Variants in PRAMEF4 observed in about 807,000 individuals in gnomAD.
PRAMEF4 encodes the protein PRAME family member 4, also known as RP5-845O24.6.
PRAMEF4 carries 18 observed loss-of-function variants against 34.4 expected under a neutral mutation model. The observed-to-expected ratio is 0.52, with a 90% CI of 0.36 to 0.78. PRAMEF4 has a LOEUF of 0.78. Ranked by LOEUF, PRAMEF4 falls within the 30% of genes least tolerant of loss-of-function variation. PRAMEF4 has a pLI of 0.00. For missense variants in PRAMEF4, 482 were observed against 569.1 expected, an observed-to-expected ratio of 0.85 and a Z score of 1.56; for synonymous variants, 156 against 219.3, an observed-to-expected ratio of 0.71 and a Z score of 2.55.
Position 12,885,470 on chromosome 1 carries a change from C to G in PRAMEF4, c.-17+677G>C, listed in dbSNP as rs1569889651. ...AATCTTCTGGGCTCAAGTGATTCTC[C>G]CACACCAGCCACCCAAATAGCTGGG... On this transcript the variant is annotated intron_variant, in intron 1 of 3. Transcript: ENST00000235349. Among the ~76,000 whole-genome samples the G allele has an allele frequency of 1.3e-5, 2 of 149,242 alleles. 1 individual carries two copies. The highest frequency in any genetic ancestry group is 3.0e-5 in the Non-Finnish European group (2 of 67,556).
At chr1:12,881,269 G>T (rs575971370) in intron 3 of PRAMEF4, among the ~76,000 whole-genome samples, 1 of 148,536 alleles carries the variant, frequency 6.7e-6, no homozygotes, top group Non-Finnish European at 1.5e-5. Flanking sequence ...AGGAGGCTGA[G>T]GCAGGAGAAT....
rs1640928901 is a variant in PRAMEF4, at chr1:12,883,266, C to T, written c.129G>A (p.Met43Ile). ...LPTELFPPLF[M>I]EAFSRRRCEA... ...CACAGCGTCTCCTGCTGAAGGCCTC[C>T]ATGAACAGTGGGGGGAAAAGTTCTG... Residue 43 changes from methionine to isoleucine, a missense_variant, in exon 2 of 4, where the codon ATG becomes ATA. Coordinates refer to ENST00000235349, the MANE Select transcript of PRAMEF4 (RefSeq NM_001009611.4). 4 of 1,598,254 alleles carry T rather than the reference C, an allele frequency of 2.5e-6. No homozygotes were observed. The highest frequency in any genetic ancestry group is 1.4e-5 in the African/African-American group (1 of 72,544).
At chr1:12,881,139 G>T (rs1273505301) in intron 3 of PRAMEF4, among the ~76,000 whole-genome samples, 1 of 148,138 alleles carries the variant, frequency 6.8e-6, no homozygotes, top group Non-Finnish European at 1.5e-5. Flanking sequence ...TCCATGGTGG[G>T]TGGATCACCT....
intron 1 of PRAMEF4, among the ~76,000 whole-genome samples, chr1:12,885,454 G>T (rs3125064): frequency 1.1e-4 from 17 of 149,516 alleles, no homozygotes; most frequent in South Asian, 4.2e-4. Context: ...CAATCTTCTG[G>T]GCTCAAGTGA....
chr1:12,881,092 G>A (rs199816979), intron 3 of PRAMEF4, among the ~76,000 whole-genome samples: 1,531 of 141,126 alleles, frequency 0.011, 6 homozygotes, highest in East Asian at 0.05. Context: ...TTGGCTGGGC[G>A]TGGTAGCTCT....
chr1:12,881,616 GAC>G, intron 3 of PRAMEF4, among the ~76,000 whole-genome samples: 1 of 132,650 alleles, frequency 7.5e-6, no homozygotes, highest in Non-Finnish European at 1.6e-5. Flanking sequence ...CCCAGTAGCT[GAC>G]TTCCTAGCAT....
intron 1 of PRAMEF4, among the ~76,000 whole-genome samples, chr1:12,884,262 C>A (rs538391155): frequency 0.027 from 3,966 of 146,358 alleles, 254 homozygotes; most frequent in African/African-American, 0.069. Context: ...AGCAATCTAC[C>A]CCTCTTGGCC....
At chr1:12,880,864 G>T (rs1365554991) in intron 3 of PRAMEF4, among the ~76,000 whole-genome samples, 1 of 145,628 alleles carries the variant, frequency 6.9e-6, no homozygotes, top group Non-Finnish European at 1.5e-5. Flanking sequence ...CCTGCACCCT[G>T]ACCCTCTGTT....
chr1:12,885,833 T>C (rs12062352), intron 1 of PRAMEF4, among the ~76,000 whole-genome samples: 7 of 142,570 alleles, frequency 4.9e-5, no homozygotes, highest in African/African-American at 1.3e-4. Context: ...TGTCATGTTG[T>C]CCAGGTTGGT....
rs1488066535 is a variant in PRAMEF4, at chr1:12,881,532, A to T, written c.875+322T>A. On this transcript the variant is annotated intron_variant, in intron 3 of 3. Coordinates refer to ENST00000235349, the MANE Select transcript of PRAMEF4 (RefSeq NM_001009611.4). The stretch of plus-strand genomic sequence containing the variant: ...AGGCATGAGCCACCGCCCCTGGCGT[A>T]TTTTTCATCATCTTAACTTAGACAC... Among the ~76,000 whole-genome samples the T allele has an allele frequency of 6.8e-5, 10 of 147,522 alleles. 2 individuals carry two copies. The Admixed American group carries it at 7.0e-4, about 10-fold the overall frequency.
chr1:12,880,396 C>T (rs2743635), intron 3 of PRAMEF4, among the ~76,000 whole-genome samples: 13 of 148,958 alleles, frequency 8.7e-5, no homozygotes, highest in South Asian at 2.2e-4. Flanking sequence ...CTGAACATGG[C>T]AAAACCTCCT....
rs3877226 is a variant in PRAMEF4, at chr1:12,882,317, C to A, written c.412G>T (p.Glu138Ter). ...LNAKRNKKPV[E>*]DCPRMKGRQP... ...CGTCCTTTCATCCTTGGACAGTCCTCCACTGGTTTTTTGTTCCTCTTGGCA... is the reference window on the plus strand; with the variant it reads ...CGTCCTTTCATCCTTGGACAGTCCTACACTGGTTTTTTGTTCCTCTTGGCA... Residue 138 changes from glutamate (E) to a stop codon, truncating the protein, a stop_gained, in exon 3 of 4, where the codon GAG becomes TAG. Coordinates refer to ENST00000235349, the MANE Select transcript of PRAMEF4 (RefSeq NM_001009611.4). LOFTEE classifies it high-confidence loss of function. 1 of 1,458,144 alleles carries A rather than the reference C, an allele frequency of 6.9e-7. No individual in the cohort carries two copies. The highest frequency in any genetic ancestry group is 1.9e-5 in the Admixed American group (1 of 52,414). The allele number at this position is 1,458,144 out of a possible 1,614,324, so 90.3% of individuals were successfully genotyped here. A position where few individuals can be genotyped will look rare whatever the true frequency, so the allele number is the denominator to read the frequency against.
At chr1:12,880,978 G>A (rs1640877324) in intron 3 of PRAMEF4, among the ~76,000 whole-genome samples, 2 of 147,324 alleles carry the variant, frequency 1.4e-5, no homozygotes, top group Non-Finnish European at 3.0e-5. Flanking sequence ...CAAACTGTGG[G>A]GCACAAAGCT....
At chr1:12,880,994 T>G (rs1640877579) in intron 3 of PRAMEF4, among the ~76,000 whole-genome samples, 1 of 147,658 alleles carries the variant, frequency 6.8e-6, no homozygotes, top group South Asian at 2.2e-4. Flanking sequence ...AAGCTGATTT[T>G]CTGACAAGTG....
intron 3 of PRAMEF4, among the ~76,000 whole-genome samples, chr1:12,880,499 C>G (rs867150049): frequency 1.0e-4 from 15 of 149,920 alleles, no homozygotes; most frequent in South Asian, 2.1e-4. Flanking sequence ...TCGCTTGAAC[C>G]CAGGAGGTGT....
chr1:12,885,031 A>C (rs4134106), intron 1 of PRAMEF4, among the ~76,000 whole-genome samples: 8,441 of 106,340 alleles, frequency 0.079, 108 homozygotes, highest in African/African-American at 0.14. Context: ...ATTTATCAAA[A>C]TATTTCAGAG....
intron 1 of PRAMEF4, among the ~76,000 whole-genome samples, chr1:12,884,125 A>T (rs2100426451): frequency 6.9e-6 from 1 of 145,352 alleles, no homozygotes; most frequent in Non-Finnish European, 1.5e-5. Context: ...CTTCCTCCTC[A>T]GCCTCCCAAG....
Position 12,883,115 on chromosome 1 carries a change from C to T in PRAMEF4, c.280G>A (p.Gly94Arg). 1 of 1,601,558 alleles carries T rather than the reference C, an allele frequency of 6.2e-7. No individual in the cohort carries two copies. Among genetic ancestry groups the T allele is most frequent in the Non-Finnish European group, 8.5e-7 (1 of 1,174,322 alleles). Residue 94 changes from glycine (G) to arginine (R), a missense_variant, in exon 2 of 4, where the codon GGG becomes AGG. Gly to Arg is a moderately radical substitution (Grantham distance 125, BLOSUM62 -2). Coordinates refer to ENST00000235349, the MANE Select transcript of PRAMEF4 (RefSeq NM_001009611.4). ...GGGCCACCTCACCTGGGACGAACCC[C>T]TAGGTTAAGCAGTGCATCCAGCCCA... ...LDGLDALLNLGVRPRRWKLQV... is the reference protein window; with the variant it reads ...LDGLDALLNLRVRPRRWKLQV...
chr1:12,882,602 T>C (rs532856147), intron 2 of PRAMEF4, among the ~76,000 whole-genome samples, 167 bp from the exon 3 acceptor site: 1 of 147,806 alleles, frequency 6.8e-6, no homozygotes, highest in Admixed American at 7.0e-5. Flanking sequence ...TGTTTTGTTT[T>C]TTTTTTGAGA....
Sources: allele counts gnomAD v4.1 joint callset (sites outside exome capture counted in the v4.1 genomes callset), GRCh38; gene constraint gnomAD v4.1.1; transcripts MANE v1.5; gene names NCBI Gene and HGNC (gene_info 2026-07-23, HGNC 2026-07-21).